The following SV2C variants were observed in gnomAD, a reference collection of about 807,000 sequenced individuals.
The protein encoded by SV2C is synaptic vesicle glycoprotein 2C, also known as solute carrier family 22 member B3.
SV2C carries 49 observed loss-of-function variants against 79.7 expected under a neutral mutation model. That is an observed-to-expected ratio of 0.61 (90% confidence interval 0.49 to 0.78). SV2C has a LOEUF of 0.78. SV2C is among the 30% of genes least tolerant of loss of function. SV2C has a pLI of 0.00. For synonymous variants in SV2C, 334 were observed against 333.2 expected (o/e 1.00, Z -0.03); for missense variants, 833 against 912.9 (o/e 0.91, Z 1.13).
chr5:75,957,004 G>A, the SV2C span, among the ~76,000 whole-genome samples: 1 of 151,872 alleles, frequency 6.6e-6, no homozygotes, highest in African/African-American at 2.4e-5. Flanking sequence ...TTAAGTCCAG[G>A]CCCAAGTCCA....
chr5:75,958,332 G>C, the SV2C span, among the ~76,000 whole-genome samples: 453 of 152,032 alleles, frequency 3.0e-3, 1 homozygote, highest in African/African-American at 0.011. Context: ...TTTCGGTTCT[G>C]TCTGTGAGGG....
At chr5:75,899,477 T>C in the SV2C span, among the ~76,000 whole-genome samples, 1 of 152,176 alleles carries the variant, frequency 6.6e-6, no homozygotes, top group Non-Finnish European at 1.5e-5. Flanking sequence ...AGGAGAGCTT[T>C]ACTTCCAAGT....
intron 2 of SV2C, among the ~76,000 whole-genome samples, chr5:76,158,678 A>G (rs901391331): frequency 6.6e-6 from 1 of 152,048 alleles, no homozygotes; most frequent in Non-Finnish European, 1.5e-5. Flanking sequence ...AGGCATGAAC[A>G]ACACTAAAAG....
At chr5:76,231,071 T>A (rs2112398535) in intron 4 of SV2C, among the ~76,000 whole-genome samples, 1 of 152,318 alleles carries the variant, frequency 6.6e-6, no homozygotes, top group Admixed American at 6.5e-5. Context: ...CCTGCAGGGT[T>A]AATTGGTGCC....
At chr5:76,080,103 G>A (rs895527139), upstream of SV2C, among the ~76,000 whole-genome samples, 1 of 151,806 alleles carries the variant, frequency 6.6e-6, no homozygotes, top group Non-Finnish European at 1.5e-5. Context: ...TGGATGTTTG[G>A]AGGAATGAAC....
the SV2C span, among the ~76,000 whole-genome samples, chr5:75,966,767 G>T: frequency 7.9e-5 from 12 of 152,070 alleles, no homozygotes; most frequent in Non-Finnish European, 4.4e-5. Flanking sequence ...CTCACCATTG[G>T]TTCACTCTTG....
the SV2C span, among the ~76,000 whole-genome samples, chr5:75,918,067 AC>A: frequency 6.6e-6 from 1 of 152,222 alleles, no homozygotes; most frequent in Admixed American, 6.5e-5. Flanking sequence ...ATTGTATTTT[AC>A]CTGCCATTTT....
chr5:75,907,090 A>G, the SV2C span, among the ~76,000 whole-genome samples: 1 of 152,156 alleles, frequency 6.6e-6, no homozygotes, highest in Non-Finnish European at 1.5e-5. Context: ...CCTTTAGCCA[A>G]TCAAAGTGGC....
the SV2C span, among the ~76,000 whole-genome samples, chr5:76,037,220 C>G: frequency 2.0e-5 from 3 of 152,180 alleles, no homozygotes; most frequent in Non-Finnish European, 4.4e-5. Context: ...GTAATTTGAT[C>G]GTCTGAAGCC....
In SV2C at chr5:76,311,910, C is replaced by T. The variant is rs112009586; in HGVS notation, c.2000+10365C>T. Among the ~76,000 whole-genome samples the T allele has an allele frequency of 1.0e-2, 1,516 of 152,254 alleles. 30 individuals are homozygous for T. Among genetic ancestry groups the T allele is most frequent in the African/African-American group, 0.035 (1,434 of 41,546 alleles). Reference sequence around the variant, plus strand: ...ATGCATTTCATTTTTTGGGTTTAGTCTGTGCTGGTCAGCTTCCCTCAATAC... The same window carrying T: ...ATGCATTTCATTTTTTGGGTTTAGTTTGTGCTGGTCAGCTTCCCTCAATAC... On this transcript the variant is annotated intron_variant, in intron 12 of 12. Transcript: ENST00000502798.
At chr5:75,848,195 G>C in the SV2C span, among the ~76,000 whole-genome samples, 2 of 152,212 alleles carry the variant, frequency 1.3e-5, no homozygotes, top group African/African-American at 2.4e-5. Context: ...CCATGGTCCA[G>C]ATGGAGTGTG....
chr5:76,186,462 C>T (rs1461546311), intron 2 of SV2C, among the ~76,000 whole-genome samples: 4 of 152,136 alleles, frequency 2.6e-5, no homozygotes, highest in African/African-American at 4.8e-5. Context: ...GAGGCCAAGG[C>T]AGGCAGATCA....
chr5:76,198,912 G>T (rs1744349951), intron 3 of SV2C, among the ~76,000 whole-genome samples: 1 of 152,192 alleles, frequency 6.6e-6, no homozygotes, highest in African/African-American at 2.4e-5. Flanking sequence ...GTTGCTTACA[G>T]TCTGTACAGA....
At chr5:76,001,999 C>G in the SV2C span, among the ~76,000 whole-genome samples, 1 of 151,964 alleles carries the variant, frequency 6.6e-6, no homozygotes, top group Non-Finnish European at 1.5e-5. Context: ...CATTCTTATG[C>G]CTTTGTATCC....
chr5:76,095,624 T>C (rs1208077842), intron 1 of SV2C, among the ~76,000 whole-genome samples: 2 of 152,132 alleles, frequency 1.3e-5, no homozygotes, highest in Non-Finnish European at 2.9e-5. Flanking sequence ...TTTAAAAATA[T>C]ATATGAATTA....
At chr5:75,979,816 A>T in the SV2C span, among the ~76,000 whole-genome samples, 1 of 152,194 alleles carries the variant, frequency 6.6e-6, no homozygotes, top group Admixed American at 6.5e-5. Flanking sequence ...CAACTAAAAA[A>T]ATTAGAGAAC....
chr5:76,007,226 T>C, the SV2C span, among the ~76,000 whole-genome samples: 1 of 151,664 alleles, frequency 6.6e-6, no homozygotes, highest in Non-Finnish European at 1.5e-5. Flanking sequence ...TCATTATTTG[T>C]GTATGCCTCC....
chr5:76,177,230 C>CTATA (rs148823278), intron 2 of SV2C, among the ~76,000 whole-genome samples: 3 of 143,150 alleles, frequency 2.1e-5, no homozygotes, highest in South Asian at 2.2e-4. Context: ...ATATATTAAT[C>CTATA]TGTATATATG....
the SV2C span, among the ~76,000 whole-genome samples, chr5:75,994,901 T>C: frequency 9.2e-5 from 14 of 152,086 alleles, no homozygotes; most frequent in Admixed American, 6.5e-5. Context: ...TAAATTCCAG[T>C]CCAAGGCCAA....
Sources: allele counts gnomAD v4.1 joint callset (sites outside exome capture counted in the v4.1 genomes callset), GRCh38; gene constraint gnomAD v4.1.1; transcripts MANE v1.5; gene names NCBI Gene and HGNC (gene_info 2026-07-23, HGNC 2026-07-21).